RNF135: variants seen among roughly 807,000 people sequenced by gnomAD.
RNF135 encodes the protein E3 ubiquitin-protein ligase RNF135.
RNF135 carries 46 observed loss-of-function variants against 41.9 expected under a neutral mutation model. The observed-to-expected ratio is 1.10, with a 90% confidence interval of 0.87 to 1.40. The LOEUF is 1.40. Ranked by LOEUF, RNF135 falls within the 40% of genes most tolerant of loss-of-function variation. The pLI is 0.00. For missense variants in RNF135, 539 were observed against 549.8 expected, an observed-to-expected ratio of 0.98 and a Z score of 0.20; for synonymous variants, 238 against 223.8, an observed-to-expected ratio of 1.06 and a Z score of -0.57.
chr17:30,971,262 C>A lies in RNF135; in HGVS notation c.189C>A (p.Arg63=). ...DARRWACPTC[R]QGAAQQPHLR... ...GCCGCTGGGCCTGCCCCACTTGCCG[C>A]CAGGGCGCCGCGCAGCAGCCGCACC... is the stretch of plus-strand genomic sequence containing the variant. Residue 63 remains arginine, a synonymous_variant, in exon 1 of 5, where the codon CGC becomes CGA. Coordinates refer to ENST00000328381, the MANE Select transcript of RNF135 (RefSeq NM_032322.4). The A allele has an allele frequency of 6.6e-7, 1 of 1,523,404 alleles. No homozygotes were observed. Among genetic ancestry groups the A allele is most frequent in the Non-Finnish European group, 8.8e-7 (1 of 1,140,372 alleles). The allele number at this position is 1,523,404 out of a possible 1,614,324, so 94.4% of individuals were successfully genotyped here.
At position 30,971,201 on chromosome 17, in the gene RNF135, A is replaced by G. The variant is rs1009804610; in HGVS notation, c.128A>G (p.His43Arg). The change falls in exon 1 of 5, where the codon CAC (histidine) becomes CGC (arginine). Residue 43 changes from histidine (H) to arginine (R), a missense_variant. By Grantham distance (29) the His-to-Arg change is conservative. Around this residue, in one of 2 missense-constraint regions of RNF135, gnomAD observed 277 missense variants for 212.8 expected, o/e 1.30. Coordinates refer to ENST00000328381, the MANE Select transcript of RNF135 (RefSeq NM_032322.4). Reference protein sequence around the residue: ...TLPCGHSFCRHCLEALWGARD... With the variant: ...TLPCGHSFCRRCLEALWGARD... ...CCCTGCGGCCACAGCTTCTGCCGCCACTGCCTGGAGGCCCTGTGGGGCGCC... is the reference window on the plus strand; with the variant it reads ...CCCTGCGGCCACAGCTTCTGCCGCCGCTGCCTGGAGGCCCTGTGGGGCGCC... The G allele has an allele frequency of 4.0e-5, 61 of 1,523,912 alleles. No individual in the cohort carries two copies. In the African/African-American group the frequency reaches 7.2e-4, roughly 18 times the overall value. 94.4% of individuals were successfully genotyped at this position (1,523,912 alleles called of 1,614,324 possible). A position where few individuals can be genotyped will look rare whatever the true frequency, so the allele number is the denominator to read the frequency against.
chr17:30,972,249 A>G (rs902516647), intron 1 of RNF135: 2 of 151,972 alleles, frequency 1.3e-5, no homozygotes, highest in Non-Finnish European at 2.9e-5. Context: ...GGCGCCCGCC[A>G]CCACGCCTGG....
chr17:30,988,004 G>A lies in RNF135; in HGVS notation c.577G>A (p.Ala193Thr), dbSNP rs150868880. The change falls in exon 3 of 5, where the codon GCT becomes ACT. Residue 193 changes from alanine to threonine, a missense_variant. By Grantham distance (58) the Ala-to-Thr change is moderately conservative. Around this residue, in one of 2 missense-constraint regions of RNF135, gnomAD observed 262 missense variants for 336.9 expected, o/e 0.78. Coordinates refer to ENST00000328381, the MANE Select transcript of RNF135 (RefSeq NM_032322.4). ...TCCAAAGCTGGTGACTTCCGACACA[G>A]CTGCAGGGAAAATCAGAGATATTCT... ...ASPKLVTSDT[A>T]AGKIRDILHD... 56 of 1,613,974 alleles carry A rather than the reference G, an allele frequency of 3.5e-5. No homozygotes were observed. Among genetic ancestry groups the A allele is most frequent in the African/African-American group, 5.3e-5 (4 of 74,910 alleles).
At position 30,975,742 on chromosome 17, in the gene RNF135, G is replaced by A. The variant is rs914935296; in HGVS notation, c.372+4297G>A. 8 of 1,258,606 alleles carry A rather than the reference G, an allele frequency of 6.4e-6. No individual in the cohort carries two copies. In the African/African-American group the frequency reaches 1.0e-4, roughly 16 times the overall value. 78.0% of individuals were successfully genotyped at this position (1,258,606 alleles called of 1,614,324 possible). Reference sequence around the variant, plus strand: ...CCAACACTGCTCACCTGATTGGCCTGGTGTACATGGGTCATCGGGTACCCT... The same window carrying A: ...CCAACACTGCTCACCTGATTGGCCTAGTGTACATGGGTCATCGGGTACCCT... On this transcript the variant is annotated intron_variant, in intron 1 of 4. Coordinates refer to ENST00000328381, the MANE Select transcript of RNF135 (RefSeq NM_032322.4).
In RNF135 at chr17:30,999,519, G is replaced by A. The variant is rs1306809788; in HGVS notation, c.*328G>A. On this transcript the variant is annotated 3_prime_UTR_variant, in exon 5 of 5. Coordinates refer to ENST00000328381, the MANE Select transcript of RNF135 (RefSeq NM_032322.4). ...AAGAATAGGCCCCTGCCTGGCTCCT[G>A]GGAGATAACCTCTAAGCCATTAGAA... 8.5e-6 allele frequency: 3 copies of A among 352,986 alleles called. No individual in the cohort carries two copies. The East Asian group carries it at 1.9e-4, about 22-fold the overall frequency. The allele number at this position is 352,986 out of a possible 1,614,324, so 21.9% of individuals were successfully genotyped here.
chr17:30,961,224 A>C, the RNF135 span, among the ~76,000 whole-genome samples: 117 of 152,310 alleles, frequency 7.7e-4, 1 homozygote, highest in South Asian at 1.9e-3. Flanking sequence ...TCATACATAC[A>C]ACAGTCCCCA....
chr17:30,969,868 G>A (rs955232038), upstream of RNF135, among the ~76,000 whole-genome samples: 1 of 150,184 alleles, frequency 6.7e-6, no homozygotes, highest in Non-Finnish European at 1.5e-5. Flanking sequence ...GGGTTCAAGA[G>A]ATTCTCCTGC....
chr17:30,973,522 C>T (rs1160824535), intron 1 of RNF135, among the ~76,000 whole-genome samples: 1 of 151,354 alleles, frequency 6.6e-6, no homozygotes, highest in Non-Finnish European at 1.5e-5. Flanking sequence ...GGATGGAGTG[C>T]AGTGACACGA....
chr17:30,979,438 C>T (rs1906795117), intron 1 of RNF135, among the ~76,000 whole-genome samples: 1 of 107,420 alleles, frequency 9.3e-6, no homozygotes. Context: ...GTAGGGGCGG[C>T]CGGGCAGAGG....
At chr17:30,970,873 C>CT, upstream of RNF135, 1 of 736,108 alleles carries the variant, frequency 1.4e-6, no homozygotes, top group Admixed American at 2.9e-5. Context: ...AAGGTCAGCT[C>CT]TGTCTTTCCA....
chr17:30,973,215 TTTTG>T (rs1392724226), intron 1 of RNF135: 1 of 152,238 alleles, frequency 6.6e-6, no homozygotes, highest in East Asian at 1.9e-4. Flanking sequence ...TTGTTTATCT[TTTTG>T]TTGTTGAGTT....
chr17:30,994,108 C>A (rs1181502872), intron 3 of RNF135, among the ~76,000 whole-genome samples: 1 of 152,188 alleles, frequency 6.6e-6, no homozygotes, highest in Non-Finnish European at 1.5e-5. Context: ...CCCAGCCAAA[C>A]ATTTTTTAAA....
At chr17:30,983,353 A>ATATATATATATATTTTTTTTTTT (rs1420453160) in intron 1 of RNF135, among the ~76,000 whole-genome samples, 1 of 35,742 alleles carries the variant, frequency 2.8e-5, no homozygotes, top group Non-Finnish European at 5.4e-5. Flanking sequence ...ATATATATAT[A>ATATATATATATATTTTTTTTTTT]TTTTTTTTTT....
intron 1 of RNF135, chr17:30,971,758 A>G (rs1905976064): frequency 2.5e-6 from 3 of 1,223,384 alleles, no homozygotes; most frequent in Non-Finnish European, 3.1e-6. Context: ...TAAGATCTAT[A>G]TAACATTAAA....
chr17:30,992,750 C>T (rs552334994), intron 3 of RNF135, among the ~76,000 whole-genome samples: 1 of 152,128 alleles, frequency 6.6e-6, no homozygotes, highest in Non-Finnish European at 1.5e-5. Context: ...TGCAAGGTGG[C>T]GCTACCACAC....
intron 3 of RNF135, among the ~76,000 whole-genome samples, chr17:30,995,079 C>T (rs1244680811): frequency 6.6e-6 from 1 of 152,106 alleles, no homozygotes; most frequent in African/African-American, 2.4e-5. Flanking sequence ...CCCACACCAC[C>T]ATGCTCAGCT....
chr17:30,966,589 G>C (rs973880564), upstream of RNF135, among the ~76,000 whole-genome samples: 4 of 151,124 alleles, frequency 2.6e-5, no homozygotes, highest in African/African-American at 9.7e-5. Flanking sequence ...CTGCCTCCCA[G>C]GGTTCACACC....
chr17:30,992,775 G>T (rs537758979), intron 3 of RNF135, among the ~76,000 whole-genome samples: 1 of 151,886 alleles, frequency 6.6e-6, no homozygotes, highest in African/African-American at 2.4e-5. Context: ...TTAATTTTTT[G>T]TTTATTTTTT....
intron 1 of RNF135, among the ~76,000 whole-genome samples, chr17:30,983,353 A>ATATTTTTTTT (rs1420453160): frequency 2.8e-5 from 1 of 35,744 alleles, no homozygotes; most frequent in African/African-American, 9.1e-5. Context: ...ATATATATAT[A>ATATTTTTTTT]TTTTTTTTTT....
Sources: allele counts gnomAD v4.1 joint callset (sites outside exome capture counted in the v4.1 genomes callset), GRCh38; gene constraint gnomAD v4.1.1; regional missense constraint gnomAD v4.1.1; transcripts MANE v1.5; gene names NCBI Gene and HGNC (gene_info 2026-07-23, HGNC 2026-07-21).